Variants in SCHIP1 observed in about 807,000 individuals in gnomAD.
SCHIP1 encodes the protein schwannomin interacting protein 1.
Under a neutral mutation model 29.7 loss-of-function variants are expected in SCHIP1, and 8 were observed. The ratio of observed to expected loss-of-function variants is 0.27; its 90% CI spans 0.16 to 0.49. The LOEUF (loss-of-function observed/expected upper bound fraction) is 0.49. SCHIP1 is among the 20% of genes least tolerant of loss of function. The pLI is 0.99. For missense variants in SCHIP1, 193 were observed against 294.6 expected (o/e 0.66, Z 2.52); for synonymous variants, 76 against 94.9 (o/e 0.80, Z 1.16).
At chr3:159,355,917 T>A in the SCHIP1 span, among the ~76,000 whole-genome samples, 1 of 152,202 alleles carries the variant, frequency 6.6e-6, no homozygotes, top group Non-Finnish European at 1.5e-5. Context: ...AATTCAAAAA[T>A]CTTTAATGAA....
chr3:159,293,262 T>C, the SCHIP1 span, among the ~76,000 whole-genome samples: 1 of 152,204 alleles, frequency 6.6e-6, no homozygotes, highest in Non-Finnish European at 1.5e-5. Context: ...TGTCCTCTAA[T>C]AGTAAGAATG....
chr3:159,598,879 G>A, the SCHIP1 span, among the ~76,000 whole-genome samples: 3 of 152,102 alleles, frequency 2.0e-5, no homozygotes, highest in Non-Finnish European at 2.9e-5. Flanking sequence ...ATGCTCCAGT[G>A]TTGGGTCTTA....
the SCHIP1 span, among the ~76,000 whole-genome samples, chr3:159,692,615 G>T: frequency 6.6e-6 from 1 of 152,088 alleles, no homozygotes; most frequent in Admixed American, 6.5e-5. Flanking sequence ...ATTCTAGTTA[G>T]CAATTCCTCT....
At chr3:159,841,383 T>C (rs1744202426) in intron 1 of SCHIP1, among the ~76,000 whole-genome samples, 1 of 152,178 alleles carries the variant, frequency 6.6e-6, no homozygotes, top group South Asian at 2.1e-4. Context: ...AGCGTCATGC[T>C]TCACAGTAAT....
At chr3:159,810,845 A>G in the SCHIP1 span, among the ~76,000 whole-genome samples, 1 of 152,240 alleles carries the variant, frequency 6.6e-6, no homozygotes, top group African/African-American at 2.4e-5. Flanking sequence ...GCAAGATCAT[A>G]TGGTAAATTT....
chr3:159,890,361 A>G (rs1342104311), intron 5 of SCHIP1, among the ~76,000 whole-genome samples: 1 of 152,172 alleles, frequency 6.6e-6, no homozygotes, highest in Non-Finnish European at 1.5e-5. Flanking sequence ...CATATTGGAA[A>G]AACAATTCTA....
intron 1 of SCHIP1, among the ~76,000 whole-genome samples, chr3:159,852,290 G>C (rs960262274): frequency 6.6e-6 from 1 of 152,208 alleles, no homozygotes; most frequent in Admixed American, 6.5e-5. Flanking sequence ...AAGCTTGTCA[G>C]AGTGTAAGAT....
chr3:159,694,613 T>C, the SCHIP1 span, among the ~76,000 whole-genome samples: 1 of 148,842 alleles, frequency 6.7e-6, no homozygotes, highest in Admixed American at 6.7e-5. Flanking sequence ...AGAAAGGAAT[T>C]ATGACCAATG....
the SCHIP1 span, among the ~76,000 whole-genome samples, chr3:159,752,629 T>C: frequency 0.71 from 107,461 of 151,776 alleles, 38,715 homozygotes; most frequent in Middle Eastern, 0.9. Flanking sequence ...CAAGAGGGAG[T>C]GGGGTGGGGA....
At chr3:159,843,075 A>G (rs1243336282) in intron 1 of SCHIP1, among the ~76,000 whole-genome samples, 1 of 126,704 alleles carries the variant, frequency 7.9e-6, no homozygotes, top group African/African-American at 2.9e-5. Context: ...GCAGTGGCGC[A>G]ATCTCAGTGG....
chr3:159,541,926 C>G, the SCHIP1 span, among the ~76,000 whole-genome samples: 1 of 152,036 alleles, frequency 6.6e-6, no homozygotes, highest in African/African-American at 2.4e-5. Flanking sequence ...CACACATTTT[C>G]AAGGCTGCAG....
the SCHIP1 span, among the ~76,000 whole-genome samples, chr3:159,399,936 C>T: frequency 6.6e-6 from 1 of 152,112 alleles, no homozygotes; most frequent in South Asian, 2.1e-4. Flanking sequence ...CCTTGGCCTC[C>T]CGAAGTGCTG....
At chr3:159,358,757 T>C in the SCHIP1 span, among the ~76,000 whole-genome samples, 1 of 151,992 alleles carries the variant, frequency 6.6e-6, no homozygotes, top group African/African-American at 2.4e-5. Context: ...AATTATATAA[T>C]CCGTGAAAAA....
chr3:159,580,072 T>C, the SCHIP1 span, among the ~76,000 whole-genome samples: 1 of 152,218 alleles, frequency 6.6e-6, no homozygotes, highest in Non-Finnish European at 1.5e-5. Flanking sequence ...GCACATGCTC[T>C]AACTTACTAT....
At chr3:159,698,838 G>C in the SCHIP1 span, among the ~76,000 whole-genome samples, 6 of 151,952 alleles carry the variant, frequency 3.9e-5, no homozygotes, top group Non-Finnish European at 8.8e-5. Context: ...TAGAGACGGG[G>C]TTGCTCCATG....
chr3:159,347,564 T>C, the SCHIP1 span, among the ~76,000 whole-genome samples: 12 of 152,232 alleles, frequency 7.9e-5, no homozygotes, highest in Non-Finnish European at 1.6e-4. Context: ...CAGAAACTTT[T>C]TTTTAGTTCT....
the SCHIP1 span, among the ~76,000 whole-genome samples, chr3:159,783,296 C>A: frequency 6.6e-6 from 1 of 152,176 alleles, no homozygotes; most frequent in Non-Finnish European, 1.5e-5. Flanking sequence ...AGAGACAGTG[C>A]TGAGGGATTG....
the SCHIP1 span, among the ~76,000 whole-genome samples, chr3:159,652,397 A>G: frequency 1.3e-5 from 2 of 152,198 alleles, no homozygotes; most frequent in Admixed American, 6.5e-5. Flanking sequence ...TAAAACCAAC[A>G]GTCACTACAA....
the SCHIP1 span, among the ~76,000 whole-genome samples, chr3:159,412,989 G>A: frequency 1.3e-5 from 2 of 152,164 alleles, no homozygotes; most frequent in South Asian, 4.1e-4. Flanking sequence ...CACATGGCTG[G>A]AGAGGCCTCA....
Sources: allele counts gnomAD v4.1 joint callset (sites outside exome capture counted in the v4.1 genomes callset), GRCh38; gene constraint gnomAD v4.1.1; transcripts MANE v1.5; gene names NCBI Gene and HGNC (gene_info 2026-07-23, HGNC 2026-07-21).